The following TENM2 variants were observed in gnomAD, a reference collection of about 807,000 sequenced individuals.
The protein encoded by TENM2 is teneurin transmembrane protein 2, also known as teneurin-2.
TENM2 carries 52 observed loss-of-function variants against 245.2 expected under a neutral mutation model. The observed-to-expected ratio is 0.21, with a 90% CI of 0.17 to 0.27. The LOEUF is 0.27. Among genes scored for constraint, TENM2 ranks in the 10% least tolerant of loss-of-function variants. TENM2 has a pLI of 1.00. For missense variants in TENM2, 3,046 were observed against 3,666.8 expected (o/e 0.83, Z 4.37); for synonymous variants, 1,363 against 1,438.9 (o/e 0.95, Z 1.19).
intron 2 of TENM2, among the ~76,000 whole-genome samples, chr5:167,677,921 TAATC>T (rs1305375798): frequency 6.6e-6 from 1 of 151,854 alleles, no homozygotes; most frequent in African/African-American, 2.4e-5. Context: ...GTCTAAAAGT[TAATC>T]AATAGGCAAT....
At chr5:167,283,291 C>T (rs1180378681), upstream of TENM2, among the ~76,000 whole-genome samples, 7 of 152,144 alleles carry the variant, frequency 4.6e-5, no homozygotes, top group South Asian at 2.1e-4. Flanking sequence ...TCAATCCACC[C>T]GCCTCGGCCT....
intron 13 of TENM2, among the ~76,000 whole-genome samples, chr5:168,185,477 A>G (rs1760306372): frequency 6.6e-6 from 1 of 152,118 alleles, no homozygotes; most frequent in Non-Finnish European, 1.5e-5. Context: ...CAACATCATC[A>G]TCATCTCCAT....
At chr5:167,619,486 C>A (rs2127766738) in intron 2 of TENM2, among the ~76,000 whole-genome samples, 1 of 152,174 alleles carries the variant, frequency 6.6e-6, no homozygotes, top group African/African-American at 2.4e-5. Flanking sequence ...GTCATGGTCT[C>A]TGGAGTAAGA....
At chr5:167,280,480 G>T (rs565389354), upstream of TENM2, among the ~76,000 whole-genome samples, 2 of 152,164 alleles carry the variant, frequency 1.3e-5, no homozygotes, top group Admixed American at 6.5e-5. Context: ...TGTGGTTGAG[G>T]TTGGTGTCTA....
At chr5:167,683,063 A>G (rs1249816651) in intron 2 of TENM2, among the ~76,000 whole-genome samples, 2 of 152,182 alleles carry the variant, frequency 1.3e-5, no homozygotes, top group South Asian at 2.1e-4. Context: ...TTTAAAGCAC[A>G]TGACATCTGT....
chr5:167,638,796 C>T (rs1779376127), intron 2 of TENM2, among the ~76,000 whole-genome samples: 1 of 152,156 alleles, frequency 6.6e-6, no homozygotes, highest in Non-Finnish European at 1.5e-5. Flanking sequence ...GCTCTTTCTG[C>T]AAAGTGTGTG....
chr5:167,881,391 C>G (rs913225577), intron 3 of TENM2, among the ~76,000 whole-genome samples: 1 of 152,130 alleles, frequency 6.6e-6, no homozygotes, highest in African/African-American at 2.4e-5. Context: ...GCTTTTCTTC[C>G]TCCTCCCAGC....
At chr5:167,511,112 A>T (rs746952712) in intron 2 of TENM2, among the ~76,000 whole-genome samples, 7 of 152,186 alleles carry the variant, frequency 4.6e-5, no homozygotes, top group Admixed American at 3.9e-4. Context: ...AAGCACTGCA[A>T]TAAGGAATTA....
the TENM2 span, among the ~76,000 whole-genome samples, chr5:167,231,503 T>C: frequency 6.6e-6 from 1 of 152,222 alleles, no homozygotes; most frequent in Non-Finnish European, 1.5e-5. Context: ...CCCCTAGAGA[T>C]CTTTGGAACT....
At chr5:167,330,464 C>T (rs74528385) in intron 1 of TENM2, among the ~76,000 whole-genome samples, 3,804 of 152,130 alleles carry the variant, frequency 0.025, 149 homozygotes, top group African/African-American at 0.086. Context: ...AGACTTGTAG[C>T]AGTTCCAACT....
intron 12 of TENM2, among the ~76,000 whole-genome samples, chr5:168,156,048 C>A (rs1757135062): frequency 6.6e-6 from 1 of 151,736 alleles, no homozygotes; most frequent in African/African-American, 2.4e-5. Context: ...AGAGGCAAAA[C>A]TTTCTGCCTT....
chr5:167,141,402 C>A, the TENM2 span, among the ~76,000 whole-genome samples: 1 of 152,052 alleles, frequency 6.6e-6, no homozygotes, highest in African/African-American at 2.4e-5. Context: ...GACTATCATT[C>A]TTTGACAACA....
chr5:167,946,676 C>G (rs1229013847), intron 3 of TENM2, among the ~76,000 whole-genome samples: 1 of 152,154 alleles, frequency 6.6e-6, no homozygotes, highest in Non-Finnish European at 1.5e-5. Context: ...CCTTTGCATA[C>G]AGCTGGGAGG....
intron 14 of TENM2, 116 bp from the exon 17 acceptor site, chr5:168,195,060 T>G (rs1043595809): frequency 5.0e-5 from 62 of 1,237,270 alleles, no homozygotes; most frequent in Middle Eastern, 2.3e-4. Flanking sequence ...GAAGTTAATG[T>G]TGAAAGCCTT....
chr5:167,486,997 CAAG>C (rs1411569000), intron 2 of TENM2, among the ~76,000 whole-genome samples: 3 of 152,030 alleles, frequency 2.0e-5, no homozygotes, highest in African/African-American at 4.8e-5. Context: ...ACATAAATAT[CAAG>C]AGATTGTTTG....
chr5:167,294,324 A>G (rs1339725196), intron 1 of TENM2: 1 of 152,178 alleles, frequency 6.6e-6, no homozygotes, highest in Non-Finnish European at 1.5e-5. Flanking sequence ...CAGTCTTGAA[A>G]TTCTGGAGAG....
the TENM2 span, among the ~76,000 whole-genome samples, chr5:167,143,918 G>T: frequency 6.6e-6 from 1 of 151,828 alleles, no homozygotes; most frequent in African/African-American, 2.4e-5. Context: ...TCAAATGCTG[G>T]CAAACTGGCG....
At chr5:167,703,173 G>A (rs1009971323) in intron 2 of TENM2, among the ~76,000 whole-genome samples, 1 of 152,070 alleles carries the variant, frequency 6.6e-6, no homozygotes, top group Non-Finnish European at 1.5e-5. Context: ...AACTAGTCCA[G>A]AAATTTCCAA....
chr5:167,731,792 G>T (rs192143652), intron 2 of TENM2, among the ~76,000 whole-genome samples: 1 of 150,332 alleles, frequency 6.7e-6, no homozygotes, highest in Admixed American at 6.7e-5. Context: ...TTCTTTGGTA[G>T]TATAGCCTTC....
Sources: allele counts gnomAD v4.1 joint callset (sites outside exome capture counted in the v4.1 genomes callset), GRCh38; gene constraint gnomAD v4.1.1; transcripts MANE v1.5; gene names NCBI Gene and HGNC (gene_info 2026-07-23, HGNC 2026-07-21).